Variants in H1-3 observed in about 807,000 individuals in gnomAD.
H1-3 encodes histone H1.3.
In H1-3, 4 loss-of-function variants were observed where a neutral mutation model predicts 3.6. That is an observed-to-expected ratio of 1.12 (90% CI 0.55 to 2.57). H1-3 has a LOEUF of 2.57. H1-3 is among the 30% of genes most tolerant of loss of function. H1-3 has a pLI of 0.02. For missense variants in H1-3, 670 were observed against 274.3 expected, an observed-to-expected ratio of 2.44 and a Z score of -10.19; for synonymous variants, 266 against 110.0, an observed-to-expected ratio of 2.42 and a Z score of -8.87.
In H1-3 at chr6:26,234,219, CT is replaced by C. The variant is rs1759718159; in HGVS notation, c.*48del. On this transcript the variant is annotated 3_prime_UTR_variant, in exon 1 of 1. Coordinates refer to ENST00000244534, the MANE Select transcript of H1-3 (RefSeq NM_005320.3). ...TCTTTTGACTGAGACCTGTGGGTGG[CT>C]CTGAAAAGAGCCGTTTAAAATTTTC... 9.1e-6 allele frequency: 14 copies of C among 1,535,596 alleles called. No homozygotes were observed. Among genetic ancestry groups the C allele is most frequent in the Non-Finnish European group, 1.2e-5 (14 of 1,142,556 alleles).
Position 26,234,343 on chromosome 6 carries a change from C to G in H1-3, c.591G>C (p.Lys197Asn). ...CCGACTTAGGCTTGGCCGCCTTGGG[C>G]TTAGGGGCTTTGGCCTTAGCTGGAC... ...AKSPAKAKAP[K>N]PKAAKPKSGK... The change falls in exon 1 of 1, where the codon AAG becomes AAC. Residue 197 changes from lysine (K) to asparagine (N), a missense_variant. By Grantham distance (94) the Lys-to-Asn change is moderately conservative. Coordinates refer to ENST00000244534, the MANE Select transcript of H1-3 (RefSeq NM_005320.3). 2.5e-6 allele frequency: 4 copies of G among 1,614,208 alleles called. No homozygotes were observed. Among genetic ancestry groups the G allele is most frequent in the Non-Finnish European group, 3.4e-6 (4 of 1,180,030 alleles).
chr6:26,234,450 G>C lies in H1-3; in HGVS notation c.484C>G (p.Pro162Ala), dbSNP rs1007656077. The C allele has an allele frequency of 6.2e-7, 1 of 1,614,086 alleles. No homozygotes were observed. Among genetic ancestry groups the C allele is most frequent in the Admixed American group, 1.7e-5 (1 of 60,030 alleles). The change falls in exon 1 of 1, where the codon CCA (proline) becomes GCA (alanine). Residue 162 changes from proline to alanine, a missense_variant. Physicochemically the swap from Pro to Ala is conservative, Grantham distance 27. Transcript: ENST00000244534. ...IKKTPKKVKKPATAAGTKKVA... is the reference protein window; with the variant it reads ...IKKTPKKVKKAATAAGTKKVA... ...TTCTTGGTCCCAGCAGCGGTTGCTG[G>C]CTTCTTTACCTTCTTAGGAGTCTTT...
chr6:26,234,472 C>T lies in H1-3; in HGVS notation c.462G>A (p.Lys154=). The change falls in exon 1 of 1, where the codon AAG becomes AAA. Residue 154 remains lysine (K), a synonymous_variant. Coordinates refer to ENST00000244534, the MANE Select transcript of H1-3 (RefSeq NM_005320.3). ...GAATPKKSIK[K]TPKKVKKPAT... ...CTGGCTTCTTTACCTTCTTAGGAGT[C>T]TTTTTGATGCTTTTCTTCGGGGTAG... 1.2e-6 allele frequency: 2 copies of T among 1,614,102 alleles called. No individual in the cohort carries two copies. Among genetic ancestry groups the T allele is most frequent in the Non-Finnish European group, 1.7e-6 (2 of 1,180,024 alleles).
chr6:26,234,724 A>G lies in H1-3; in HGVS notation c.210T>C (p.Ala70=), dbSNP rs2050948. Residue 70 remains alanine (A), a synonymous_variant, in exon 1 of 1, where the codon GCT becomes GCC. Transcript: ENST00000244534. ...TGTTGTTTTTTTCTACATCGTAGCCAGCAGCCGCAAGCGCTTTCTTAAGCG... is the reference window on the plus strand; with the variant it reads ...TGTTGTTTTTTTCTACATCGTAGCCGGCAGCCGCAAGCGCTTTCTTAAGCG... ...LAALKKALAA[A]GYDVEKNNSR... is the part of the protein sequence containing the mutation. The G allele has an allele frequency of 0.14, 223,341 of 1,613,402 alleles. 16,549 individuals are homozygous for G. Among genetic ancestry groups the G allele is most frequent in the Middle Eastern group, 0.25 (1,496 of 6,036 alleles).
chr6:26,234,683 C>A lies in H1-3; in HGVS notation c.251G>T (p.Gly84Val), dbSNP rs761023941. The A allele has an allele frequency of 5.0e-6, 8 of 1,614,006 alleles. No individual in the cohort carries two copies. Among genetic ancestry groups the A allele is most frequent in the South Asian group, 1.1e-5 (1 of 91,072 alleles). The stretch of plus-strand genomic sequence containing the variant: ...ACCTTTGCTCACCAAGCTCTTGAGG[C>A]CAAGCTTGATACGGCTGTTGTTTTT... The part of the protein sequence containing the change: ...VEKNNSRIKL[G>V]LKSLVSKGTL... Residue 84 changes from glycine (G) to valine (V), a missense_variant, in exon 1 of 1, where the codon GGC becomes GTC. By Grantham distance (109) the Gly-to-Val change is moderately radical (BLOSUM62 -3). Coordinates refer to ENST00000244534, the MANE Select transcript of H1-3 (RefSeq NM_005320.3).
In H1-3 at chr6:26,234,772, C is replaced by T. The variant is rs746877459; in HGVS notation, c.162G>A (p.Glu54=). 25 of 1,614,116 alleles carry T rather than the reference C, an allele frequency of 1.5e-5. No homozygotes were observed. In the African/African-American group the frequency reaches 1.7e-4, roughly 11 times the overall value. The change falls in exon 1 of 1, where the codon GAG becomes GAA. Residue 54 remains glutamate, a synonymous_variant. Coordinates refer to ENST00000244534, the MANE Select transcript of H1-3 (RefSeq NM_005320.3). ...GCGCGGCCAGAGAAACGCCGCTGCG[C>T]TCCTTAGAAGCTGCCACTGCCTTGG... ...LITKAVAASK[E]RSGVSLAALK...
rs1269213018 is a variant in H1-3, at chr6:26,234,722, C to G, written c.212G>C (p.Gly71Ala). ...AALKKALAAA[G>A]YDVEKNNSRI... Reference sequence around the variant, plus strand: ...GCTGTTGTTTTTTTCTACATCGTAGCCAGCAGCCGCAAGCGCTTTCTTAAG... The same window carrying G: ...GCTGTTGTTTTTTTCTACATCGTAGGCAGCAGCCGCAAGCGCTTTCTTAAG... Residue 71 changes from glycine (G) to alanine (A), a missense_variant, in exon 1 of 1, where the codon GGC (glycine) becomes GCC (alanine). Physicochemically the swap from Gly to Ala is moderately conservative, Grantham distance 60. Coordinates refer to ENST00000244534, the MANE Select transcript of H1-3 (RefSeq NM_005320.3). 11 of 1,613,528 alleles carry G rather than the reference C, an allele frequency of 6.8e-6. No homozygotes were observed. The highest frequency in any genetic ancestry group is 2.2e-5 in the East Asian group (1 of 44,898).
chr6:26,234,973 C>G lies in H1-3; in HGVS notation c.-40G>C, dbSNP rs774247984. The G allele has an allele frequency of 7.1e-6, 11 of 1,542,578 alleles. No individual in the cohort carries two copies. In the African/African-American group the frequency reaches 9.7e-5, roughly 14 times the overall value. On this transcript the variant is annotated 5_prime_UTR_variant, in exon 1 of 1. Transcript: ENST00000244534. ...AGAAAAGACAATAAGTAATCTCAAA[C>G]TGTCAGAACAGCATGTCCTCTACGA...
Position 26,234,519 on chromosome 6 carries a change from G to T in H1-3, c.415C>A (p.Pro139Thr). The T allele has an allele frequency of 6.2e-7, 1 of 1,613,674 alleles. No individual in the cohort carries two copies. Among genetic ancestry groups the T allele is most frequent in the Non-Finnish European group, 8.5e-7 (1 of 1,179,908 alleles). ...PRKPAGAAKK[P>T]KKVAGAATPK... ...GTAGCGGCGCCAGCCACCTTCTTGG[G>T]CTTCTTGGCTGCCCCAGCAGGCTTC... is the stretch of plus-strand genomic sequence containing the variant. Residue 139 changes from proline to threonine, a missense_variant, in exon 1 of 1, where the codon CCC (proline) becomes ACC (threonine). Physicochemically the swap from Pro to Thr is conservative, Grantham distance 38 (BLOSUM62 -1). Transcript: ENST00000244534.
rs536681516 is a variant in H1-3, at chr6:26,234,860, T to C, written c.74A>G (p.Lys25Arg). 1.2e-5 allele frequency: 19 copies of C among 1,614,006 alleles called. No individual in the cohort carries two copies. In the African/African-American group the frequency reaches 2.3e-4, roughly 19 times the overall value. Reference sequence around the variant, plus strand: ...TTTCCCAGCAGTTGCGCCTGCCTTCTTCGCCTTTTTCTTCACAGGTGTTTT... The same window carrying C: ...TTTCCCAGCAGTTGCGCCTGCCTTCCTCGCCTTTTTCTTCACAGGTGTTTT... ...AEKTPVKKKAKKAGATAGKRK... is the reference protein window; with the variant it reads ...AEKTPVKKKARKAGATAGKRK... The change falls in exon 1 of 1, where the codon AAG becomes AGG. Residue 25 changes from lysine to arginine, a missense_variant. By Grantham distance (26) the Lys-to-Arg change is conservative. Transcript: ENST00000244534.
rs774284354 is a variant in H1-3, at chr6:26,234,334, C to A, written c.600G>T (p.Ala200=). ...TCGGCTTCCCCGACTTAGGCTTGGC[C>A]GCCTTGGGCTTAGGGGCTTTGGCCT... ...PAKAKAPKPK[A]AKPKSGKPKV... Residue 200 remains alanine, a synonymous_variant, in exon 1 of 1, where the codon GCG becomes GCT. Coordinates refer to ENST00000244534, the MANE Select transcript of H1-3 (RefSeq NM_005320.3). The A allele has an allele frequency of 6.2e-7, 1 of 1,613,676 alleles. No homozygotes were observed. The highest frequency in any genetic ancestry group is 1.3e-5 in the African/African-American group (1 of 74,952).
rs1759721325 is a variant in H1-3, at chr6:26,234,274, T to G, written c.660A>C (p.Lys220Asn). 1 of 1,586,690 alleles carries G rather than the reference T, an allele frequency of 6.3e-7. No individual in the cohort carries two copies. The highest frequency in any genetic ancestry group is 2.2e-5 in the East Asian group (1 of 44,744). Residue 220 changes from lysine to asparagine, a missense_variant, in exon 1 of 1, where the codon AAA becomes AAC. Coordinates refer to ENST00000244534, the MANE Select transcript of H1-3 (RefSeq NM_005320.3). ...VTKAKKAAPK[K>N]K ...GGGGAACGTCCCGCCAGTTTCACTT[T>G]TTCTTCGGAGCTGCCTTCTTTGCCT...
Position 26,234,862 on chromosome 6 carries a change from C to A in H1-3, c.72G>T (p.Ala24=), listed in dbSNP as rs201889816. ...PAEKTPVKKK[A]KKAGATAGKR... is the part of the protein sequence containing the mutation. ...TCCCAGCAGTTGCGCCTGCCTTCTT[C>A]GCCTTTTTCTTCACAGGTGTTTTTT... Residue 24 remains alanine, a synonymous_variant, in exon 1 of 1, where the codon GCG becomes GCT. Transcript: ENST00000244534. 3 of 1,613,960 alleles carry A rather than the reference C, an allele frequency of 1.9e-6. No homozygotes were observed. Among genetic ancestry groups the A allele is most frequent in the East Asian group, 2.2e-5 (1 of 44,876 alleles).
Position 26,234,987 on chromosome 6 carries a change from T to G in H1-3, c.-54A>C, listed in dbSNP as rs187153897. 4.0e-5 allele frequency: 60 copies of G among 1,498,312 alleles called. No homozygotes were observed. Among genetic ancestry groups the G allele is most frequent in the Non-Finnish European group, 5.1e-5 (57 of 1,111,054 alleles). 92.8% of individuals were successfully genotyped at this position (1,498,312 alleles called of 1,614,324 possible). Reference sequence around the variant, plus strand: ...GTAATCTCAAACTGTCAGAACAGCATGTCCTCTACGAGGGAGGCTGAGGGT... The same window carrying G: ...GTAATCTCAAACTGTCAGAACAGCAGGTCCTCTACGAGGGAGGCTGAGGGT... On this transcript the variant is annotated 5_prime_UTR_variant, in exon 1 of 1. It removes an upstream start codon present in the reference 5' UTR. Transcript: ENST00000244534.
Position 26,234,221 on chromosome 6 carries a change from C to G in H1-3, c.*47G>C. On this transcript the variant is annotated 3_prime_UTR_variant, in exon 1 of 1. Transcript: ENST00000244534. ...TTTTGACTGAGACCTGTGGGTGGCT[C>G]TGAAAAGAGCCGTTTAAAATTTTCA... The G allele has an allele frequency of 1.3e-6, 2 of 1,543,008 alleles. No individual in the cohort carries two copies. The highest frequency in any genetic ancestry group is 1.7e-6 in the Non-Finnish European group (2 of 1,148,448).
At position 26,234,919 on chromosome 6, in the gene H1-3, A is replaced by G; in HGVS notation, c.15T>C (p.Ala5=). The change falls in exon 1 of 1, where the codon GCT becomes GCC. Residue 5 remains alanine (A), a synonymous_variant. Coordinates refer to ENST00000244534, the MANE Select transcript of H1-3 (RefSeq NM_005320.3). MSET[A]PLAPTIPAPA... The stretch of plus-strand genomic sequence containing the variant: ...GTGCAGGAATGGTAGGAGCAAGTGG[A>G]GCAGTCTCCGACATGTTTTTGTCTT... 3 of 1,606,660 alleles carry G rather than the reference A, an allele frequency of 1.9e-6. No homozygotes were observed. The highest frequency in any genetic ancestry group is 1.7e-6 in the Non-Finnish European group (2 of 1,177,516).
In H1-3 at chr6:26,234,216, T is replaced by G. The variant is rs1581469967; in HGVS notation, c.*52A>C. ...AGCTCTTTTGACTGAGACCTGTGGG[T>G]GGCTCTGAAAAGAGCCGTTTAAAAT... is the stretch of plus-strand genomic sequence containing the variant. On this transcript the variant is annotated 3_prime_UTR_variant, in exon 1 of 1. Coordinates refer to ENST00000244534, the MANE Select transcript of H1-3 (RefSeq NM_005320.3). The G allele has an allele frequency of 2.0e-6, 3 of 1,514,018 alleles. No homozygotes were observed. The highest frequency in any genetic ancestry group is 2.7e-6 in the Non-Finnish European group (3 of 1,124,774). 93.8% of individuals were successfully genotyped at this position (1,514,018 alleles called of 1,614,324 possible). A position where few individuals can be genotyped will look rare whatever the true frequency, so the allele number is the denominator to read the frequency against.
rs1421689177 is a variant in H1-3, at chr6:26,234,485, T to C, written c.449A>G (p.Lys150Arg). The change falls in exon 1 of 1, where the codon AAA (lysine) becomes AGA (arginine). Residue 150 changes from lysine (K) to arginine (R), a missense_variant. By Grantham distance (26) the Lys-to-Arg change is conservative. Coordinates refer to ENST00000244534, the MANE Select transcript of H1-3 (RefSeq NM_005320.3). Reference sequence around the variant, plus strand: ...CTTCTTAGGAGTCTTTTTGATGCTTTTCTTCGGGGTAGCGGCGCCAGCCAC... The same window carrying C: ...CTTCTTAGGAGTCTTTTTGATGCTTCTCTTCGGGGTAGCGGCGCCAGCCAC... ...KKVAGAATPKKSIKKTPKKVK... is the reference protein window; with the variant it reads ...KKVAGAATPKRSIKKTPKKVK... The C allele has an allele frequency of 6.2e-7, 1 of 1,614,106 alleles. No homozygotes were observed. Among genetic ancestry groups the C allele is most frequent in the Non-Finnish European group, 8.5e-7 (1 of 1,180,032 alleles).
Position 26,234,402 on chromosome 6 carries a change from C to T in H1-3, c.532G>A (p.Val178Met). 6.2e-7 allele frequency: 1 copy of T among 1,614,216 alleles called. No homozygotes were observed. The highest frequency in any genetic ancestry group is 8.5e-7 in the Non-Finnish European group (1 of 1,180,042). Reference protein sequence around the residue: ...TKKVAKSAKKVKTPQPKKAAK... With the variant: ...TKKVAKSAKKMKTPQPKKAAK... Reference sequence around the variant, plus strand: ...GCTTTTTTTGGCTGAGGTGTTTTCACCTTTTTCGCACTCTTGGCCACTTTC... The same window carrying T: ...GCTTTTTTTGGCTGAGGTGTTTTCATCTTTTTCGCACTCTTGGCCACTTTC... Residue 178 changes from valine (V) to methionine (M), a missense_variant, in exon 1 of 1, where the codon GTG becomes ATG. Transcript: ENST00000244534.
Sources: gnomAD v4.1 joint callset for allele counts on GRCh38, gnomAD v4.1.1 for gene constraint, MANE v1.5 for transcripts, NCBI Gene and HGNC (gene_info 2026-07-23, HGNC 2026-07-21) for gene names.